The following PIK3R6 variants were observed in gnomAD, a reference collection of about 807,000 sequenced individuals.
PIK3R6 encodes the protein phosphoinositide 3-kinase regulatory subunit 6.
PIK3R6 carries 91 observed loss-of-function variants against 84.9 expected under a neutral mutation model. The ratio of observed to expected loss-of-function variants is 1.07; its 90% CI spans 0.90 to 1.28. The LOEUF (loss-of-function observed/expected upper bound fraction) is 1.28. Among genes scored for constraint, PIK3R6 ranks in the 50% most tolerant of loss-of-function variants. The pLI, the probability that PIK3R6 is intolerant of heterozygous loss-of-function variation, is 0.00. For missense variants in PIK3R6, 996 were observed against 985.1 expected (o/e 1.01, Z -0.15); for synonymous variants, 416 against 411.4 (o/e 1.01, Z -0.13).
intron 1 of PIK3R6, among the ~76,000 whole-genome samples, chr17:8,860,784 A>C (rs2089262700): frequency 6.6e-6 from 1 of 152,174 alleles, no homozygotes; most frequent in South Asian, 2.1e-4. Context: ...TGTGCTCCCC[A>C]GGGCTTCAGT....
chr17:8,813,177 C>A (rs2087410835), intron 18 of PIK3R6, among the ~76,000 whole-genome samples: 1 of 151,928 alleles, frequency 6.6e-6, no homozygotes, highest in Admixed American at 6.6e-5. Context: ...TAGGAACATA[C>A]AACTTCCAAA....
intron 10 of PIK3R6, among the ~76,000 whole-genome samples, 171 bp downstream of exon 10, chr17:8,829,535 C>T (rs72848133): frequency 0.019 from 2,792 of 149,560 alleles, 98 homozygotes; most frequent in African/African-American, 0.051. Context: ...CACTGACACA[C>T]GCATGCACAC....
At chr17:8,838,534 C>T (rs557600051) in intron 4 of PIK3R6, 30 bp downstream of exon 4, 41 of 1,563,480 alleles carry the variant, frequency 2.6e-5, no homozygotes, top group Middle Eastern at 1.7e-4. Flanking sequence ...CTTTCATCCC[C>T]GTCTTCCTCC....
At chr17:8,818,649 G>A (rs768285716) in intron 18 of PIK3R6, among the ~76,000 whole-genome samples, 6 of 151,788 alleles carry the variant, frequency 4.0e-5, no homozygotes, top group Non-Finnish European at 7.4e-5. Context: ...ACTCCGTCTT[G>A]AGGAAAAAAA....
At chr17:8,823,151 C>T in intron 14 of PIK3R6, 65 bp from the exon 15 acceptor site, 1 of 1,242,820 alleles carries the variant, frequency 8.0e-7, no homozygotes, top group Non-Finnish European at 1.2e-6. Flanking sequence ...TCCCTGATTT[C>T]CAGGGATCCA....
At chr17:8,819,695 C>CACACACACACACATATATATACATATAT (rs2087658701) in intron 17 of PIK3R6, among the ~76,000 whole-genome samples, 1 of 124,834 alleles carries the variant, frequency 8.0e-6, no homozygotes, top group Non-Finnish European at 1.6e-5. Flanking sequence ...TATATACACA[C>CACACACACACACATATATATACATATAT]ACACACACAC....
At chr17:8,823,315 T>A in intron 14 of PIK3R6, 72 bp downstream of exon 14, 2 of 1,180,774 alleles carry the variant, frequency 1.7e-6, no homozygotes, top group Non-Finnish European at 2.5e-6. Flanking sequence ...TGGTGACCAG[T>A]GTTTCCCCAG....
In PIK3R6 at chr17:8,819,101, C is replaced by T; in HGVS notation, c.1977G>A (p.Leu659=). The T allele has an allele frequency of 6.2e-7, 1 of 1,605,164 alleles. No individual in the cohort carries two copies. Among genetic ancestry groups the T allele is most frequent in the Non-Finnish European group, 8.5e-7 (1 of 1,175,994 alleles). ...TACTTACAGAGAAGGACTTTCCCGCCAAGTTGGAGGACTTGACAACCTCTG... is the reference window on the plus strand; with the variant it reads ...TACTTACAGAGAAGGACTTTCCCGCTAAGTTGGAGGACTTGACAACCTCTG... ...NVTEVVKSSN[L]AGKSFSTVTN... is the part of the protein sequence containing the mutation. Residue 659 remains leucine, a synonymous_variant, in exon 18 of 20, where the codon TTG becomes TTA. Coordinates refer to ENST00000619866, the MANE Select transcript of PIK3R6 (RefSeq NM_001010855.4).
chr17:8,834,035 A>G (rs2088361127), intron 8 of PIK3R6, among the ~76,000 whole-genome samples: 1 of 151,424 alleles, frequency 6.6e-6, no homozygotes, highest in African/African-American at 2.4e-5. Flanking sequence ...CGGCGCCTGT[A>G]GTCCCAGCTA....
At position 8,863,604 on chromosome 17, in the gene PIK3R6, G is replaced by A. The variant is rs9892578; in HGVS notation, c.-92+3925C>T. Among the ~76,000 whole-genome samples, 1,429 of 151,870 alleles carry A rather than the reference G, an allele frequency of 9.4e-3. 28 individuals carry two copies. Among genetic ancestry groups the A allele is most frequent in the African/African-American group, 0.033 (1,357 of 41,360 alleles). ...GGCTGGAGTGCAGTGGTGCGATCTCGGCTCACTGTAACCTCCACCTCCCAG... is the reference window on the plus strand; with the variant it reads ...GGCTGGAGTGCAGTGGTGCGATCTCAGCTCACTGTAACCTCCACCTCCCAG... On this transcript the variant is annotated intron_variant, in intron 1 of 19. Transcript: ENST00000619866.
In PIK3R6 at chr17:8,803,792, T is replaced by C. The variant is rs141553270; in HGVS notation, c.2108+249A>G. On this transcript the variant is annotated intron_variant, in intron 19 of 19. Transcript: ENST00000619866. This position sits in a 1 kb window ranked among gnomAD's most constrained non-coding sequence, Gnocchi z 5.0. ...ATCAGGAGGCTGCAGGCTGAGTGTA[T>C]GCAGAGGCATCTGGGGAAAATGCAA... 14 of 583,122 alleles carry C rather than the reference T, an allele frequency of 2.4e-5. No individual in the cohort carries two copies. Among genetic ancestry groups the C allele is most frequent in the Non-Finnish European group, 4.0e-5 (13 of 326,506 alleles). The allele number at this position is 583,122 out of a possible 1,614,324, so 36.1% of individuals were successfully genotyped here.
Position 8,867,597 on chromosome 17 carries a change from C to T in PIK3R6, c.-160G>A, listed in dbSNP as rs1265082871. ...AACTCCCCACGGTCCTGAGCGAGGTCCCCAGTCCCAGAGAAGCAGATGTCT... is the reference window on the plus strand; with the variant it reads ...AACTCCCCACGGTCCTGAGCGAGGTTCCCAGTCCCAGAGAAGCAGATGTCT... On this transcript the variant is annotated 5_prime_UTR_variant, in exon 1 of 20. Transcript: ENST00000619866. 1.9e-6 allele frequency: 1 copy of T among 512,994 alleles called. No homozygotes were observed. The highest frequency in any genetic ancestry group is 3.9e-6 in the Non-Finnish European group (1 of 256,120). The allele number at this position is 512,994 out of a possible 1,614,324, so 31.8% of individuals were successfully genotyped here.
chr17:8,850,131 C>A (rs1485531446), intron 1 of PIK3R6, among the ~76,000 whole-genome samples: 2 of 151,978 alleles, frequency 1.3e-5, no homozygotes, highest in Non-Finnish European at 2.9e-5. Context: ...TGGTGAAACC[C>A]CGTCTCTACT....
intron 4 of PIK3R6, among the ~76,000 whole-genome samples, chr17:8,838,113 A>G (rs997525527): frequency 2.0e-5 from 3 of 152,116 alleles, no homozygotes; most frequent in African/African-American, 4.8e-5. Context: ...TGAGGGGCCA[A>G]ATTTAATTAG....
intron 2 of PIK3R6, among the ~76,000 whole-genome samples, chr17:8,847,462 T>C (rs996073885): frequency 2.6e-5 from 4 of 152,064 alleles, no homozygotes; most frequent in Admixed American, 2.6e-4. Context: ...TTCTTAACTG[T>C]AGGATGGGAG....
rs760356459 is a variant in PIK3R6, at chr17:8,835,315, C to T, written c.603G>A (p.Leu201=). The change falls in exon 8 of 20, where the codon CTG becomes CTA. Residue 201 remains leucine, a synonymous_variant. Transcript: ENST00000619866. ...HVVSHALQAA[L]GEACHAGALH... The stretch of plus-strand genomic sequence containing the variant: ...GAGCGCCTGCGTGACAGGCCTCCCC[C>T]AGAGCCGCCTGCAGGGCGTGGGAGA... 33 of 1,599,724 alleles carry T rather than the reference C, an allele frequency of 2.1e-5. No individual in the cohort carries two copies. Among genetic ancestry groups the T allele is most frequent in the Non-Finnish European group, 2.7e-5 (32 of 1,170,986 alleles).
intron 17 of PIK3R6, among the ~76,000 whole-genome samples, chr17:8,819,942 T>A (rs1312850089): frequency 8.1e-6 from 1 of 124,116 alleles, no homozygotes; most frequent in African/African-American, 3.8e-5. Flanking sequence ...TATATATTTT[T>A]ATATATATAT....
At chr17:8,809,211 A>C (rs2087286037) in intron 18 of PIK3R6, among the ~76,000 whole-genome samples, 1 of 152,198 alleles carries the variant, frequency 6.6e-6, no homozygotes, top group Non-Finnish European at 1.5e-5. Context: ...TAAATTAATA[A>C]ATGAAAGAGA....
intron 9 of PIK3R6, among the ~76,000 whole-genome samples, chr17:8,832,274 C>T (rs1028126318): frequency 7.3e-5 from 11 of 151,266 alleles, no homozygotes; most frequent in South Asian, 2.1e-4. Flanking sequence ...ATACAGTATA[C>T]GCAATATATT....
Sources: allele counts gnomAD v4.1 joint callset (sites outside exome capture counted in the v4.1 genomes callset), GRCh38; gene constraint gnomAD v4.1.1; non-coding constraint Gnocchi (gnomAD v3.1); transcripts MANE v1.5; gene names NCBI Gene and HGNC (gene_info 2026-07-23, HGNC 2026-07-21).